The following GRIK3 variants were observed in gnomAD, a reference collection of about 807,000 sequenced individuals.
GRIK3 encodes glutamate ionotropic receptor kainate type subunit 3.
In GRIK3, 29 loss-of-function variants were observed where a neutral mutation model predicts 102.5. That is an observed-to-expected ratio of 0.28 (90% CI 0.21 to 0.39). GRIK3 has a LOEUF of 0.39. Among genes scored for constraint, GRIK3 ranks in the 10% least tolerant of loss-of-function variants. The pLI, the probability that GRIK3 is intolerant of heterozygous loss-of-function variation, is 1.00. For synonymous variants in GRIK3, 511 were observed against 504.9 expected (o/e 1.01, Z -0.16); for missense variants, 908 against 1,252.4 (o/e 0.73, Z 4.15).
At chr1:36,927,817 G>A (rs1027597) in intron 1 of GRIK3, among the ~76,000 whole-genome samples, 126,089 of 151,946 alleles carry the variant, frequency 0.83, 53,043 homozygotes, top group Non-Finnish European at 0.89. Flanking sequence ...CTGAGTGGGA[G>A]AGTGTGAGGC....
intron 1 of GRIK3, among the ~76,000 whole-genome samples, chr1:36,895,766 T>C (rs2124277438): frequency 6.6e-6 from 1 of 152,070 alleles, no homozygotes; most frequent in South Asian, 2.1e-4. Flanking sequence ...TGATCTAGGA[T>C]CCTTAGAGCA....
At chr1:36,864,915 C>A (rs765934629) in intron 5 of GRIK3, among the ~76,000 whole-genome samples, 1 of 151,964 alleles carries the variant, frequency 6.6e-6, no homozygotes, top group African/African-American at 2.4e-5. Flanking sequence ...CTGTGTGCAA[C>A]CTTGCTGCTT....
At chr1:36,957,535 C>CGTGAGCCTGT (rs1641933287) in intron 1 of GRIK3, among the ~76,000 whole-genome samples, 1 of 10,646 alleles carries the variant, frequency 9.4e-5, no homozygotes, top group Admixed American at 9.5e-4. Context: ...CTGTGTGCCC[C>CGTGAGCCTGT]GTGTCCTGTG....
rs755138564 is a variant in GRIK3, at chr1:36,964,094, G to A, written c.115+69900C>T. Among the ~76,000 whole-genome samples, 40 of 152,326 alleles carry A rather than the reference G, an allele frequency of 2.6e-4. 1 individual carries two copies. Among genetic ancestry groups the A allele is most frequent in the African/African-American group, 8.2e-4 (34 of 41,570 alleles). ...CAGAGGCAGGAGGTGCTAAGAAGCC[G>A]TGGGCCTGGCCTGGGCAAGAAGAGA... On this transcript the variant is annotated intron_variant, in intron 1 of 15. Coordinates refer to ENST00000373091, the MANE Select transcript of GRIK3 (RefSeq NM_000831.4).
chr1:36,982,153 CTCTCAGGAATGTGCCAG>C (rs1443459869), intron 1 of GRIK3, among the ~76,000 whole-genome samples: 1 of 152,190 alleles, frequency 6.6e-6, no homozygotes, highest in African/African-American at 2.4e-5. Context: ...CTCCAATAAA[CTCTCAGGAATGTGCCAG>C]TTTGTTACAG....
intron 5 of GRIK3, 56 bp from the exon 6 acceptor site, chr1:36,860,073 CCCCGCCTCCTA>C (rs1640704479): frequency 7.2e-7 from 1 of 1,379,950 alleles, no homozygotes; most frequent in African/African-American, 1.5e-5. Flanking sequence ...AGAACTCCAG[CCCCGCCTCCTA>C]CCCACTCCCT....
At chr1:36,863,254 C>A (rs1159915179) in intron 5 of GRIK3, among the ~76,000 whole-genome samples, 1 of 152,108 alleles carries the variant, frequency 6.6e-6, no homozygotes, top group Non-Finnish European at 1.5e-5. Context: ...CTCCTCCTAC[C>A]GAGAGGCTCT....
chr1:36,880,423 C>T lies in GRIK3; in HGVS notation c.550+211G>A, dbSNP rs768411489. Reference sequence around the variant, plus strand: ...CTGAGTGTGAGGCAGGGGTGAGGTGCGCTGGGGCTGAGTGAGATATGAGTG... The same window carrying T: ...CTGAGTGTGAGGCAGGGGTGAGGTGTGCTGGGGCTGAGTGAGATATGAGTG... On this transcript the variant is annotated intron_variant, in intron 3 of 15. Transcript: ENST00000373091. The surrounding 1 kb of genome is among the most constrained non-coding windows in gnomAD (Gnocchi z 5.4). Among the ~76,000 whole-genome samples the T allele has an allele frequency of 5.9e-5, 9 of 152,170 alleles. No individual in the cohort carries two copies. Among genetic ancestry groups the T allele is most frequent in the Non-Finnish European group, 1.2e-4 (8 of 67,998 alleles).
chr1:36,869,808 A>G lies in GRIK3; in HGVS notation c.733-7T>C, dbSNP rs758975017. 2.6e-5 allele frequency: 42 copies of G among 1,610,168 alleles called. No homozygotes were observed. Among genetic ancestry groups the G allele is most frequent in the Admixed American group, 8.3e-5 (5 of 60,002 alleles). The stretch of plus-strand genomic sequence containing the variant: ...TCATGCCCATGGCCATGGCCTGCAG[A>G]AAAGCAGAGTGTTAGTGATCAGCAG... On this transcript the variant is annotated splice_polypyrimidine_tract_variant and splice_region_variant and intron_variant, in intron 4 of 15. Transcript: ENST00000373091.
intron 9 of GRIK3, among the ~76,000 whole-genome samples, chr1:36,845,735 T>G (rs1640512692): frequency 6.6e-6 from 1 of 152,194 alleles, no homozygotes; most frequent in Admixed American, 6.5e-5. Flanking sequence ...ACCTGAGGCC[T>G]TGGCTTCAAC....
In GRIK3 at chr1:36,801,993, T is replaced by C. The variant is rs1642446173; in HGVS notation, c.2618A>G (p.Gln873Arg). The C allele has an allele frequency of 1.2e-6, 2 of 1,613,800 alleles. No individual in the cohort carries two copies. Among genetic ancestry groups the C allele is most frequent in the Non-Finnish European group, 8.5e-7 (1 of 1,179,932 alleles). ...ADEIRFSLTC[Q>R]RRVKHKPQPP... ...CTGAGGCTTGTGCTTGACTCGACGC[T>C]GGCAGGTAAGGGAGAAACGGATCTC... Residue 873 changes from glutamine (Q) to arginine (R), a missense_variant, in exon 16 of 16, where the codon CAG (glutamine) becomes CGG (arginine). Transcript: ENST00000373091.
At chr1:36,840,980 G>A (rs1408124965) in intron 10 of GRIK3, among the ~76,000 whole-genome samples, 1 of 152,186 alleles carries the variant, frequency 6.6e-6, no homozygotes, top group African/African-American at 2.4e-5. Flanking sequence ...TTTACAGAGG[G>A]AGAAACTGCT....
intron 1 of GRIK3, among the ~76,000 whole-genome samples, chr1:36,997,010 C>T (rs879808152): frequency 2.6e-5 from 4 of 152,186 alleles, no homozygotes; most frequent in African/African-American, 4.8e-5. Flanking sequence ...TTATACCTGG[C>T]CCCAAATGCC....
At chr1:36,856,282 T>A (rs527756253) in intron 7 of GRIK3, among the ~76,000 whole-genome samples, 48 of 152,310 alleles carry the variant, frequency 3.2e-4, no homozygotes, top group Non-Finnish European at 5.6e-4. Context: ...GCCTGTCAGC[T>A]ACAGAGGTAT....
intron 9 of GRIK3, among the ~76,000 whole-genome samples, chr1:36,846,411 G>A (rs558082691): frequency 1.3e-5 from 2 of 152,316 alleles, no homozygotes; most frequent in Non-Finnish European, 1.5e-5. Context: ...ACACAGAGCT[G>A]CTGCTTTCTG....
chr1:36,898,850 C>G (rs1468523287), intron 1 of GRIK3, among the ~76,000 whole-genome samples: 2 of 152,040 alleles, frequency 1.3e-5, no homozygotes, highest in Non-Finnish European at 2.9e-5. Flanking sequence ...TAAAGACAAA[C>G]TATATATAGA....
At chr1:36,964,104 C>G (rs1206984861) in intron 1 of GRIK3, among the ~76,000 whole-genome samples, 1 of 152,186 alleles carries the variant, frequency 6.6e-6, no homozygotes. Flanking sequence ...GTGGGCCTGG[C>G]CTGGGCAAGA....
intron 1 of GRIK3, 37 bp from the exon 2 acceptor site, chr1:36,891,133 G>C: frequency 6.6e-7 from 1 of 1,524,480 alleles, no homozygotes. Flanking sequence ...TGGTTGGGAG[G>C]AGGGATGGGG....
Position 37,022,198 on chromosome 1 carries a change from T to G in GRIK3, c.115+11796A>C, listed in dbSNP as rs1233569488. ...TACATACCCTTGCAGGAGCCAGTGATGTGGTAAAGACAGAGACCTGACCTA... is the reference window on the plus strand; with the variant it reads ...TACATACCCTTGCAGGAGCCAGTGAGGTGGTAAAGACAGAGACCTGACCTA... On this transcript the variant is annotated intron_variant, in intron 1 of 15. Transcript: ENST00000373091. Among the ~76,000 whole-genome samples, 4 of 152,208 alleles carry G rather than the reference T, an allele frequency of 2.6e-5. No homozygotes were observed. The East Asian group carries it at 7.7e-4, about 29-fold the overall frequency.
Sources: gnomAD v4.1 joint callset for allele counts (sites outside exome capture counted in the v4.1 genomes callset) on GRCh38, gnomAD v4.1.1 for gene constraint, Gnocchi (gnomAD v3.1) non-coding constraint, MANE v1.5 for transcripts, NCBI Gene and HGNC (gene_info 2026-07-23, HGNC 2026-07-21) for gene names.